MROH2B: variants seen among roughly 807,000 people sequenced by gnomAD.
The protein encoded by MROH2B is maestro heat like repeat family member 2B.
In MROH2B, 177 loss-of-function variants were observed where a neutral mutation model predicts 208.6. The ratio of observed to expected loss-of-function variants is 0.85; its 90% CI spans 0.75 to 0.96. MROH2B has a LOEUF of 0.96. MROH2B is among the 40% of genes least tolerant of loss of function. The probability of loss-of-function intolerance (pLI) is 0.00; values close to 1 mark genes in which losing one functional copy is unlikely to be tolerated. For missense variants in MROH2B, 2,002 were observed against 1,878.7 expected, an observed-to-expected ratio of 1.07 and a Z score of -1.21; for synonymous variants, 728 against 659.0, an observed-to-expected ratio of 1.10 and a Z score of -1.60.
intron 21 of MROH2B, among the ~76,000 whole-genome samples, chr5:41,035,747 C>A (rs1742735566): frequency 6.6e-6 from 1 of 151,982 alleles, no homozygotes; most frequent in Admixed American, 6.6e-5. Context: ...CAAAGAAATG[C>A]AAATCAAACC....
rs528834069 is a variant in MROH2B, at chr5:41,000,776, T to G, written c.4252A>C (p.Thr1418Pro). The stretch of plus-strand genomic sequence containing the variant: ...AAAAAAATCTTCCACCTTCTTCCTG[T>G]TAGGGGTGCCAGGTCCTCAAATAAG... Reference protein sequence around the residue: ...IFLFEDLAPLTGRRWKIFFAE... With the variant: ...IFLFEDLAPLPGRRWKIFFAE... The change falls in exon 38 of 42, where the codon ACA becomes CCA. Residue 1418 changes from threonine (T) to proline (P), a missense_variant. By Grantham distance (38) the Thr-to-Pro change is conservative. Coordinates refer to ENST00000399564, the MANE Select transcript of MROH2B (RefSeq NM_173489.5). 1 of 1,611,646 alleles carries G rather than the reference T, an allele frequency of 6.2e-7. No individual in the cohort carries two copies. Among genetic ancestry groups the G allele is most frequent in the African/African-American group, 1.3e-5 (1 of 75,004 alleles).
rs187569687 is a variant in MROH2B at position 41,042,614 on chromosome 5, G to T, written c.1837-406C>A. The stretch of plus-strand genomic sequence containing the variant: ...AAAAGAGGGTTTTTTGTTTTGTTTT[G>T]TTTTTTTAAGATGGGGTCTCACCCT... On this transcript the variant is annotated intron_variant, in intron 18 of 41. Coordinates refer to ENST00000399564, the MANE Select transcript of MROH2B (RefSeq NM_173489.5). Among the ~76,000 whole-genome samples the T allele has an allele frequency of 2.0e-3, 298 of 152,088 alleles. 1 individual carries two copies. Among genetic ancestry groups the T allele is most frequent in the African/African-American group, 6.9e-3 (286 of 41,508 alleles).
intron 34 of MROH2B, among the ~76,000 whole-genome samples, chr5:41,006,650 C>T (rs1160477841): frequency 6.6e-6 from 1 of 152,194 alleles, no homozygotes; most frequent in Non-Finnish European, 1.5e-5. Flanking sequence ...GAATACTACT[C>T]AGCCATAAAA....
At chr5:41,024,647 A>T (rs1742285260) in intron 24 of MROH2B, among the ~76,000 whole-genome samples, 1 of 152,198 alleles carries the variant, frequency 6.6e-6, no homozygotes, top group African/African-American at 2.4e-5. Flanking sequence ...GTTAACAAGG[A>T]TATCCAGGAA....
Position 40,999,625 on chromosome 5 carries a change from C to G in MROH2B, c.4585+52G>C, listed in dbSNP as rs184824407. 335 of 1,511,976 alleles carry G rather than the reference C, an allele frequency of 2.2e-4. No individual in the cohort carries two copies. In the African/African-American group the frequency reaches 4.3e-3, roughly 19 times the overall value. 93.7% of individuals were successfully genotyped at this position (1,511,976 alleles called of 1,614,324 possible). On this transcript the variant is annotated intron_variant, in intron 40 of 41. Coordinates refer to ENST00000399564, the MANE Select transcript of MROH2B (RefSeq NM_173489.5). Reference sequence around the variant, plus strand: ...TGGACAGCTTCTGGTCAAAGCAAAACTAGGTGGAAAAAGCAGACATATCTG... The same window carrying G: ...TGGACAGCTTCTGGTCAAAGCAAAAGTAGGTGGAAAAAGCAGACATATCTG...
intron 26 of MROH2B, 88 bp from the exon 27 acceptor site, chr5:41,018,518 G>A: frequency 6.7e-7 from 1 of 1,484,848 alleles, no homozygotes; most frequent in Non-Finnish European, 9.2e-7. Context: ...TGCCTCTTTT[G>A]TAACACGGTG....
chr5:41,057,058 A>G lies in MROH2B; in HGVS notation c.919+51T>C, dbSNP rs1461552739. On this transcript the variant is annotated intron_variant, in intron 9 of 41. Coordinates refer to ENST00000399564, the MANE Select transcript of MROH2B (RefSeq NM_173489.5). ...TTGCCCTCCTTTTACCATTGTCATCATCATCACTTGGGGACATTTTTATTA... is the reference window on the plus strand; with the variant it reads ...TTGCCCTCCTTTTACCATTGTCATCGTCATCACTTGGGGACATTTTTATTA... 4 of 1,569,872 alleles carry G rather than the reference A, an allele frequency of 2.5e-6. No individual in the cohort carries two copies. In the Admixed American group the frequency reaches 5.1e-5, roughly 20 times the overall value.
chr5:41,000,124 C>T (rs1741339425), intron 39 of MROH2B, 96 bp downstream of exon 39: 15 of 1,516,750 alleles, frequency 9.9e-6, no homozygotes, highest in Admixed American at 1.9e-5. Context: ...AGTTCTGGCT[C>T]TGGCCAGAAA....
At chr5:41,016,240 T>G (rs908138012) in intron 28 of MROH2B, among the ~76,000 whole-genome samples, 1 of 152,194 alleles carries the variant, frequency 6.6e-6, no homozygotes, top group African/African-American at 2.4e-5. Context: ...AGTATCACAC[T>G]TGTTACTTGT....
At chr5:41,053,872 C>T (rs191922138) in intron 11 of MROH2B, among the ~76,000 whole-genome samples, 1 of 152,294 alleles carries the variant, frequency 6.6e-6, no homozygotes, top group Admixed American at 6.5e-5. Flanking sequence ...TCTTAATTGG[C>T]TTCTGTCTAG....
In MROH2B at chr5:41,070,902, TAGTA is replaced by T; in HGVS notation, c.-54_-51del. ...AAAGATAGCACCTAAGTATTAGAAA[TAGTA>T]AGGCTAAAAAATCAAAGAGGCAGGT... On this transcript the variant is annotated 5_prime_UTR_variant, in exon 1 of 42. The change creates a premature stop within an existing upstream ORF in the 5' untranslated region. Coordinates refer to ENST00000399564, the MANE Select transcript of MROH2B (RefSeq NM_173489.5). The T allele has an allele frequency of 6.3e-7, 1 of 1,586,664 alleles. No individual in the cohort carries two copies. Among genetic ancestry groups the T allele is most frequent in the African/African-American group, 1.3e-5 (1 of 74,426 alleles).
chr5:40,998,933 T>G (rs1014760979), intron 40 of MROH2B, among the ~76,000 whole-genome samples: 2 of 152,164 alleles, frequency 1.3e-5, no homozygotes, highest in African/African-American at 4.8e-5. Flanking sequence ...GGAGGCTAGT[T>G]GTTGTTGGGA....
intron 27 of MROH2B, 35 bp downstream of exon 27, chr5:41,018,306 G>T: frequency 6.3e-7 from 1 of 1,576,462 alleles, no homozygotes; most frequent in Non-Finnish European, 8.7e-7. Context: ...CTGTTCACAA[G>T]CAATAAAGTC....
intron 18 of MROH2B, among the ~76,000 whole-genome samples, chr5:41,043,487 T>C (rs1039960307): frequency 5.9e-5 from 9 of 152,156 alleles, no homozygotes; most frequent in African/African-American, 1.7e-4. Flanking sequence ...AAATTGGTCA[T>C]GAAGGGAAAG....
At chr5:41,025,498 C>A (rs897323916) in intron 24 of MROH2B, among the ~76,000 whole-genome samples, 6 of 152,106 alleles carry the variant, frequency 3.9e-5, no homozygotes, top group African/African-American at 1.4e-4. Flanking sequence ...GAAGTTGAAT[C>A]CCTGAATAGA....
intron 32 of MROH2B, 70 bp from the exon 33 acceptor site, chr5:41,008,863 T>C: frequency 6.9e-7 from 1 of 1,453,250 alleles, no homozygotes; most frequent in Non-Finnish European, 9.3e-7. Flanking sequence ...TCTGGGCTGA[T>C]TTTCAACTTT....
chr5:41,052,398 A>G, intron 12 of MROH2B, 67 bp downstream of exon 12: 1 of 1,410,370 alleles, frequency 7.1e-7, no homozygotes, highest in Non-Finnish European at 9.3e-7. Flanking sequence ...CATTTTTTAA[A>G]AAGAAACATA....
intron 24 of MROH2B, among the ~76,000 whole-genome samples, chr5:41,030,536 G>T (rs1742530250): frequency 6.6e-6 from 1 of 151,948 alleles, no homozygotes; most frequent in Non-Finnish European, 1.5e-5. Context: ...TTGTGAAAAT[G>T]CCCATACTGC....
At position 41,039,298 on chromosome 5, in the gene MROH2B, A is replaced by G; in HGVS notation, c.2061+150T>C. On this transcript the variant is annotated intron_variant, in intron 20 of 41. Coordinates refer to ENST00000399564, the MANE Select transcript of MROH2B (RefSeq NM_173489.5). ...AAGTAGACTTTTCATATAGCTAATC[A>G]TCCTATAAAGACTGGGCTTGGACAG... 7.3e-6 allele frequency: 4 copies of G among 548,608 alleles called. No homozygotes were observed. The South Asian group carries it at 9.3e-5, about 13-fold the overall frequency. 34.0% of individuals were successfully genotyped at this position (548,608 alleles called of 1,614,324 possible). A position where few individuals can be genotyped will look rare whatever the true frequency, so the allele number is the denominator to read the frequency against.
Sources: allele counts gnomAD v4.1 joint callset (sites outside exome capture counted in the v4.1 genomes callset), GRCh38; gene constraint gnomAD v4.1.1; transcripts MANE v1.5; gene names NCBI Gene and HGNC (gene_info 2026-07-23, HGNC 2026-07-21).